The following XPO5 variants were observed in gnomAD, a reference collection of about 807,000 sequenced individuals.
XPO5 encodes the protein exportin 5.
A neutral mutation model predicts 160.6 loss-of-function variants in XPO5; 46 were observed. The observed-to-expected ratio is 0.29, with a 90% confidence interval of 0.23 to 0.37. The LOEUF (loss-of-function observed/expected upper bound fraction) is 0.37. Ranked by LOEUF, XPO5 falls within the 10% of genes least tolerant of loss-of-function variation. The probability of loss-of-function intolerance (pLI) is 1.00; values close to 1 mark genes in which losing one functional copy is unlikely to be tolerated. For missense variants in XPO5, 1,090 were observed against 1,463.9 expected (o/e 0.74, Z 4.17); for synonymous variants, 537 against 519.3 (o/e 1.03, Z -0.46).
intron 27 of XPO5, chr6:43,526,193 T>C: frequency 2.2e-6 from 1 of 463,068 alleles, no homozygotes; most frequent in East Asian, 3.8e-5. Flanking sequence ...GTTGGACAAA[T>C]ATTTGAGCAC....
chr6:43,544,468 T>G (rs566387718), intron 20 of XPO5, among the ~76,000 whole-genome samples: 53 of 152,368 alleles, frequency 3.5e-4, no homozygotes, highest in Non-Finnish European at 6.3e-4. Context: ...TGTTGTCTTG[T>G]GGCCTCTAGA....
chr6:43,569,301 A>C lies in XPO5; in HGVS notation c.622-564T>G, dbSNP rs960010220. On this transcript the variant is annotated intron_variant, in intron 5 of 31. Coordinates refer to ENST00000265351, the MANE Select transcript of XPO5 (RefSeq NM_020750.3). ...AAGTGAAACTCCGTCTCAAAAAAAA[A>C]AAAACAACAAAAAAAAATACATATA... Among the ~76,000 whole-genome samples, 84 of 151,656 alleles carry C rather than the reference A, an allele frequency of 5.5e-4. 1 individual carries two copies. The highest frequency in any genetic ancestry group is 3.4e-3 in the Middle Eastern group (1 of 290).
At chr6:43,532,094 C>T (rs1794026625) in intron 21 of XPO5, among the ~76,000 whole-genome samples, 1 of 152,152 alleles carries the variant, frequency 6.6e-6, no homozygotes, top group Non-Finnish European at 1.5e-5. Context: ...TCTGGTTGGC[C>T]ACTTATTTCT....
At position 43,525,209 on chromosome 6, in the gene XPO5, A is replaced by G. The variant is rs1185337912; in HGVS notation, c.3072T>C (p.Val1024=). ...AGGCTGTAATTAATAGCGCTGTACAAACATCCTGAACAGGAAAAGATGAAG... is the reference window on the plus strand; with the variant it reads ...AGGCTGTAATTAATAGCGCTGTACAGACATCCTGAACAGGAAAAGATGAAG... ...LGKCLMKHED[V]CTALLITAFN... is the part of the protein sequence containing the mutation. The change falls in exon 29 of 32, where the codon GTT becomes GTC. Residue 1024 remains valine (V), a synonymous_variant. Transcript: ENST00000265351. 3 of 1,572,122 alleles carry G rather than the reference A, an allele frequency of 1.9e-6. No individual in the cohort carries two copies. The Admixed American group carries it at 5.6e-5, about 29-fold the overall frequency.
chr6:43,524,123 G>C (rs1331753950), intron 31 of XPO5, 118 bp from the exon 32 acceptor site: 2 of 1,425,562 alleles, frequency 1.4e-6, no homozygotes, highest in Non-Finnish European at 9.3e-7. Context: ...AGGCCAAGGC[G>C]GGTGGATCAC....
chr6:43,524,771 C>G, intron 30 of XPO5, 60 bp downstream of exon 30: 1 of 1,604,624 alleles, frequency 6.2e-7, no homozygotes. Context: ...GCCCAAGAGA[C>G]TAGGAGCAGA....
chr6:43,522,558 C>G lies in XPO5; in HGVS notation c.*1310G>C. The G allele has an allele frequency of 3.7e-6, 1 of 270,878 alleles. No individual in the cohort carries two copies. The highest frequency in any genetic ancestry group is 3.1e-5 in the South Asian group (1 of 32,018). 16.8% of individuals were successfully genotyped at this position (270,878 alleles called of 1,614,324 possible). A position where few individuals can be genotyped will look rare whatever the true frequency, so the allele number is the denominator to read the frequency against. On this transcript the variant is annotated 3_prime_UTR_variant, in exon 32 of 32. Transcript: ENST00000265351. The stretch of plus-strand genomic sequence containing the variant: ...ACACTCTTGAGATCGCCTTCACGAT[C>G]CACAGAAACCCAGAGCACCACACAG...
At chr6:43,558,225 C>T (rs762158278) in intron 12 of XPO5, among the ~76,000 whole-genome samples, 1 of 151,908 alleles carries the variant, frequency 6.6e-6, no homozygotes, top group Non-Finnish European at 1.5e-5. Context: ...GTATTTAATC[C>T]TAAGTATGAA....
chr6:43,566,264 C>T (rs1762688922), intron 7 of XPO5, among the ~76,000 whole-genome samples: 1 of 152,102 alleles, frequency 6.6e-6, no homozygotes, highest in Non-Finnish European at 1.5e-5. Context: ...TGTGGTGGCA[C>T]ACGCCTGTAA....
intron 24 of XPO5, 54 bp from the exon 25 acceptor site, chr6:43,528,259 A>G (rs1423544439): frequency 6.6e-6 from 10 of 1,520,708 alleles, no homozygotes; most frequent in Non-Finnish European, 7.2e-6. Context: ...ATTGGAACAC[A>G]TAATATCTAA....
chr6:43,575,813 T>TCA lies in XPO5; in HGVS notation c.50_51dup (p.Thr18Ter), dbSNP rs1267484841. 1 of 1,613,712 alleles carries TCA rather than the reference T, an allele frequency of 6.2e-7. No homozygotes were observed. Among genetic ancestry groups the TCA allele is most frequent in the Non-Finnish European group, 8.5e-7 (1 of 1,179,790 alleles). On this transcript the variant is annotated frameshift_variant, in exon 1 of 32. Transcript: ENST00000265351. LOFTEE classifies it high-confidence loss of function. ...GTGGAGTTGGGGTCCATCATGACCG[T>TCA]CACCGCTTTCACCAGCTGCTCGCAC... is the stretch of plus-strand genomic sequence containing the variant.
chr6:43,550,220 T>C (rs1362646756), intron 15 of XPO5, among the ~76,000 whole-genome samples: 2 of 152,238 alleles, frequency 1.3e-5, no homozygotes, highest in Non-Finnish European at 2.9e-5. Flanking sequence ...AACGCCTCTC[T>C]CTTCTTTTAT....
At chr6:43,565,500 G>C (rs1189497967) in intron 8 of XPO5, among the ~76,000 whole-genome samples, 160 bp downstream of exon 8, 1 of 151,858 alleles carries the variant, frequency 6.6e-6, no homozygotes, top group Non-Finnish European at 1.5e-5. Flanking sequence ...AGGAGACGGA[G>C]GTTGTGGTGA....
Position 43,568,712 on chromosome 6 carries a change from T to C in XPO5, c.647A>G (p.Lys216Arg). 6.3e-7 allele frequency: 1 copy of C among 1,579,392 alleles called. No individual in the cohort carries two copies. The highest frequency in any genetic ancestry group is 1.2e-5 in the South Asian group (1 of 85,738). The change falls in exon 6 of 32, where the codon AAG (lysine) becomes AGG (arginine). Residue 216 changes from lysine to arginine, a missense_variant and splice_region_variant. Transcript: ENST00000265351. ...QVKTDTSQES[K>R]AQANCRVGVA... ...TCAAACTTTATAAAGAGCTCTTACC[T>C]TTGACTCCTGAGAAGTATCTGTCTT...
chr6:43,552,022 A>G (rs1161475767), intron 14 of XPO5, among the ~76,000 whole-genome samples: 1 of 152,064 alleles, frequency 6.6e-6, no homozygotes, highest in Non-Finnish European at 1.5e-5. Context: ...AAACCTCTTA[A>G]ATTTTGTATT....
At chr6:43,546,210 T>C (rs1794957056) in intron 20 of XPO5, among the ~76,000 whole-genome samples, 1 of 152,208 alleles carries the variant, frequency 6.6e-6, no homozygotes, top group Non-Finnish European at 1.5e-5. Flanking sequence ...AGCATCATTA[T>C]AGAAGGCAAC....
At chr6:43,557,455 T>A (rs1042475109) in intron 12 of XPO5, among the ~76,000 whole-genome samples, 5 of 151,522 alleles carry the variant, frequency 3.3e-5, no homozygotes, top group African/African-American at 1.2e-4. Context: ...TACTGATAAA[T>A]GTTGTAACTT....
In XPO5 at chr6:43,551,170, C is replaced by T. The variant is rs574434895; in HGVS notation, c.1728+128G>A. On this transcript the variant is annotated intron_variant, in intron 15 of 31. Coordinates refer to ENST00000265351, the MANE Select transcript of XPO5 (RefSeq NM_020750.3). Reference sequence around the variant, plus strand: ...ACTCAGAAGGGTGAGGTGTGAGGATCCCTTGAGACTAGTAATTTGAGTCCA... The same window carrying T: ...ACTCAGAAGGGTGAGGTGTGAGGATTCCTTGAGACTAGTAATTTGAGTCCA... The T allele has an allele frequency of 1.7e-5, 16 of 941,692 alleles. 1 individual carries two copies. The Admixed American group carries it at 3.0e-4, about 18-fold the overall frequency. 58.3% of individuals were successfully genotyped at this position (941,692 alleles called of 1,614,324 possible). A position where few individuals can be genotyped will look rare whatever the true frequency, so the allele number is the denominator to read the frequency against.
chr6:43,556,146 A>C (rs778719271), intron 12 of XPO5, 182 bp from the exon 13 acceptor site: 3 of 742,746 alleles, frequency 4.0e-6, no homozygotes, highest in Non-Finnish European at 6.1e-6. Flanking sequence ...AGTTTTTGAA[A>C]ATAAATGATC....
Sources: gnomAD v4.1 joint callset for allele counts (sites outside exome capture counted in the v4.1 genomes callset) on GRCh38, gnomAD v4.1.1 for gene constraint, MANE v1.5 for transcripts, NCBI Gene and HGNC (gene_info 2026-07-23, HGNC 2026-07-21) for gene names.